The following ASMT variants were observed in gnomAD, a reference collection of about 807,000 sequenced individuals.
The protein encoded by ASMT is acetylserotonin O-methyltransferase.
Under a neutral mutation model 41.3 loss-of-function variants are expected in ASMT, and 53 were observed. The ratio of observed to expected loss-of-function variants is 1.28; its 90% CI spans 1.03 to 1.61. ASMT has a LOEUF of 1.61. Ranked by LOEUF, ASMT falls within the 40% of genes most tolerant of loss-of-function variation. ASMT has a pLI of 0.00. For missense variants in ASMT, 531 were observed against 441.3 expected (o/e 1.20, Z -1.82); for synonymous variants, 231 against 184.8 (o/e 1.25, Z -2.03).
At position 1,642,876 on chromosome X, in the gene ASMT, T is replaced by C. The variant is rs541248842; in HGVS notation, c.984T>C (p.Ser328=). The part of the protein sequence containing the change: ...RRGPLLTQLY[S]LNMLVQTEGQ... ...GTCCTCTGCTCACGCAGCTCTACTC[T>C]CTGAACATGCTTGTGCAGACGGAAG... The change falls in exon 9 of 9, where the codon TCT becomes TCC. Residue 328 remains serine, a synonymous_variant. Coordinates refer to ENST00000381241, the MANE Select transcript of ASMT (RefSeq NM_001171038.2). The C allele has an allele frequency of 3.1e-6, 5 of 1,613,960 alleles. No individual in the cohort carries two copies. In the South Asian group the frequency reaches 3.3e-5, roughly 11 times the overall value.
At chrX:1,627,654 GAAATGAAATGAAATGA>G in intron 3 of ASMT, 33 bp from the exon 4 acceptor site, 1 of 1,378,452 alleles carries the variant, frequency 7.3e-7, no homozygotes, top group Non-Finnish European at 1.0e-6. Context: ...GAAATGAAAT[GAAATGAAATGAAATGA>G]AATGAAAATC....
At chrX:1,620,105 T>G (rs764992046) in intron 1 of ASMT, among the ~76,000 whole-genome samples, 1 of 116,316 alleles carries the variant, frequency 8.6e-6, no homozygotes. Context: ...AATAAATAAA[T>G]AAATAAATAA....
intron 2 of ASMT, among the ~76,000 whole-genome samples, chrX:1,624,032 A>G (rs1299166931): frequency 6.6e-6 from 1 of 151,800 alleles, no homozygotes; most frequent in African/African-American, 2.4e-5. Flanking sequence ...GCTGCACCCA[A>G]ACTCCCGATG....
At chrX:1,635,219 C>G (rs187156577) in intron 7 of ASMT, among the ~76,000 whole-genome samples, 16 of 148,796 alleles carry the variant, frequency 1.1e-4, no homozygotes, top group African/African-American at 3.7e-4. Context: ...CTCCTGATCT[C>G]GTGATCTGCC....
chrX:1,619,029 C>A (rs1483838895), intron 1 of ASMT, among the ~76,000 whole-genome samples: 2 of 152,162 alleles, frequency 1.3e-5, no homozygotes, highest in East Asian at 3.9e-4. Context: ...ACTTAGTACA[C>A]CCTTAACAGA....
rs182483179 is a variant in ASMT at position 1,623,126 on chromosome X, C to A, written c.70-13C>A. 3.0e-5 allele frequency: 48 copies of A among 1,612,104 alleles called. No homozygotes were observed. The Admixed American group carries it at 8.0e-4, about 27-fold the overall frequency. ...GCTGAGCCCTGACCTTTTATTTCCG[C>A]TCCTGCTCCAAGGTTCTCTTCGCCG... On this transcript the variant is annotated splice_polypyrimidine_tract_variant and intron_variant, in intron 1 of 8. Transcript: ENST00000381241.
intron 3 of ASMT, among the ~76,000 whole-genome samples, chrX:1,625,108 CTTTTTT>C (rs58353783): frequency 7.4e-6 from 1 of 136,034 alleles, no homozygotes; most frequent in Admixed American, 7.5e-5. Flanking sequence ...TCTTTTCTTT[CTTTTTT>C]TTTTTTTTGA....
intron 5 of ASMT, among the ~76,000 whole-genome samples, chrX:1,632,309 G>A (rs1429672236): frequency 6.6e-6 from 1 of 152,072 alleles, no homozygotes; most frequent in Non-Finnish European, 1.5e-5. Flanking sequence ...TGAACTCAGG[G>A]GCCTGTAGAC....
rs1330569488 is a variant in ASMT at position 1,625,686 on chromosome X, A to G, written c.374+1288A>G. ...GAGTGTCTGGGTGGCCGGACGCAGT[A>G]GCCCATGCCGGTAATCCCAGCACTT... On this transcript the variant is annotated intron_variant, in intron 3 of 8. Coordinates refer to ENST00000381241, the MANE Select transcript of ASMT (RefSeq NM_001171038.2). 9.9e-5 allele frequency among the ~76,000 whole-genome samples: 15 copies of G among 152,054 alleles called. No homozygotes were observed. In the South Asian group the frequency reaches 1.5e-3, roughly 15 times the overall value.
At chrX:1,625,870 G>A (rs1934525817) in intron 3 of ASMT, among the ~76,000 whole-genome samples, 1 of 150,232 alleles carries the variant, frequency 6.7e-6, no homozygotes, top group African/African-American at 2.5e-5. Flanking sequence ...CAGGAAAATG[G>A]TGTGAACCCG....
chrX:1,627,859 T>TGGATTG, intron 4 of ASMT, 88 bp downstream of exon 4: 1 of 1,248,114 alleles, frequency 8.0e-7, no homozygotes, highest in Non-Finnish European at 1.2e-6. Flanking sequence ...TTTACTCAAA[T>TGGATTG]GGCACAACCC....
At chrX:1,618,081 C>G (rs186537460) in intron 1 of ASMT, among the ~76,000 whole-genome samples, 1 of 152,156 alleles carries the variant, frequency 6.6e-6, no homozygotes, top group Admixed American at 6.6e-5. Flanking sequence ...GGGGTTCAAG[C>G]GATTCTCCTG....
At chrX:1,630,009 G>A in intron 5 of ASMT, 70 bp downstream of exon 5, 1 of 1,335,088 alleles carries the variant, frequency 7.5e-7, no homozygotes, top group Non-Finnish European at 1.1e-6. Flanking sequence ...TGTTATTCAT[G>A]TCTTTTATTT....
At chrX:1,634,653 A>AC (rs33973060) in intron 7 of ASMT, among the ~76,000 whole-genome samples, 37,594 of 138,398 alleles carry the variant, frequency 0.27, 5,733 homozygotes, top group African/African-American at 0.45. Context: ...TGCTGAGTTA[A>AC]CCCCCCCCCT....
chrX:1,615,292 G>C (rs1934040768), intron 1 of ASMT, 24 bp downstream of exon 1: 2 of 1,572,496 alleles, frequency 1.3e-6, no homozygotes, highest in East Asian at 2.3e-5. Flanking sequence ...TGTGGGACAA[G>C]GGGGAATAGA....
intron 5 of ASMT, among the ~76,000 whole-genome samples, chrX:1,630,448 G>A (rs1221518044): frequency 2.6e-5 from 4 of 151,958 alleles, no homozygotes; most frequent in Non-Finnish European, 5.9e-5. Context: ...TGGGATTATG[G>A]GTGCGCACCA....
chrX:1,632,537 C>T (rs1238709609), intron 5 of ASMT, among the ~76,000 whole-genome samples, 167 bp from the exon 6 acceptor site: 2 of 152,126 alleles, frequency 1.3e-5, no homozygotes, highest in East Asian at 3.9e-4. Flanking sequence ...CGCCTGTAGT[C>T]CCAGCTACTG....
intron 1 of ASMT, among the ~76,000 whole-genome samples, chrX:1,615,816 C>G (rs753947404): frequency 6.7e-6 from 1 of 150,240 alleles, no homozygotes; most frequent in Non-Finnish European, 1.5e-5. Flanking sequence ...AAAAACCAAA[C>G]AAACAACAAA....
intron 2 of ASMT, among the ~76,000 whole-genome samples, chrX:1,623,751 C>T (rs1164934286): frequency 1.3e-5 from 2 of 151,914 alleles, no homozygotes; most frequent in Non-Finnish European, 2.9e-5. Context: ...TTAATAGAGA[C>T]AGGATTTCAT....
Sources: gnomAD v4.1 joint callset for allele counts (sites outside exome capture counted in the v4.1 genomes callset) on GRCh38, gnomAD v4.1.1 for gene constraint, MANE v1.5 for transcripts, NCBI Gene and HGNC (gene_info 2026-07-23, HGNC 2026-07-21) for gene names.